MCOLN2: variants seen among roughly 807,000 people sequenced by gnomAD.
The protein encoded by MCOLN2 is mucolipin TRP cation channel 2, also known as mucolipin-2.
MCOLN2 carries 57 observed loss-of-function variants against 67.5 expected under a neutral mutation model. The observed-to-expected ratio is 0.84, with a 90% CI of 0.68 to 1.05. The LOEUF (loss-of-function observed/expected upper bound fraction) is 1.05, where lower values mean the gene tolerates loss of function less well. Among genes scored for constraint, MCOLN2 ranks in the 50% least tolerant of loss-of-function variants. The pLI is 0.00. For synonymous variants in MCOLN2, 246 were observed against 233.3 expected, an observed-to-expected ratio of 1.05 and a Z score of -0.50; for missense variants, 620 against 678.8, an observed-to-expected ratio of 0.91 and a Z score of 0.96.
At chr1:84,971,199 G>A (rs1649663950) in intron 1 of MCOLN2, among the ~76,000 whole-genome samples, 1 of 152,222 alleles carries the variant, frequency 6.6e-6, no homozygotes, top group Admixed American at 6.5e-5. Flanking sequence ...TGAAATACAA[G>A]CTAGTACTAG....
chr1:84,980,304 A>AG (rs938518314), intron 1 of MCOLN2, among the ~76,000 whole-genome samples: 1 of 15,664 alleles, frequency 6.4e-5, no homozygotes, highest in African/African-American at 6.9e-5. Context: ...TCATAGAAAT[A>AG]GAAAAAAACC....
intron 1 of MCOLN2, among the ~76,000 whole-genome samples, chr1:84,966,690 TTTATATTA>T (rs1425055445): frequency 6.6e-6 from 1 of 152,180 alleles, no homozygotes; most frequent in Non-Finnish European, 1.5e-5. Context: ...TATTTGTCAC[TTTATATTA>T]ATAAAATTTT....
At chr1:84,959,575 A>G (rs978328348) in intron 2 of MCOLN2, among the ~76,000 whole-genome samples, 2 of 151,868 alleles carry the variant, frequency 1.3e-5, no homozygotes, top group African/African-American at 4.8e-5. Flanking sequence ...GCACATTCAC[A>G]CTCTCTCACG....
chr1:84,985,369 G>T (rs950931805), intron 1 of MCOLN2, among the ~76,000 whole-genome samples: 1 of 152,192 alleles, frequency 6.6e-6, no homozygotes, highest in Non-Finnish European at 1.5e-5. Flanking sequence ...TGATGTCAGA[G>T]TGCCTTGGGG....
At chr1:84,963,549 C>T (rs996448995) in intron 2 of MCOLN2, among the ~76,000 whole-genome samples, 1 of 152,092 alleles carries the variant, frequency 6.6e-6, no homozygotes, top group Non-Finnish European at 1.5e-5. Context: ...GAATTGTAAT[C>T]CCCAATGTTG....
chr1:84,930,653 C>T (rs755185549), intron 12 of MCOLN2, among the ~76,000 whole-genome samples: 6 of 152,110 alleles, frequency 3.9e-5, no homozygotes, highest in East Asian at 1.9e-4. Flanking sequence ...CAAAAGGTAG[C>T]GGACTGGGTT....
intron 9 of MCOLN2, among the ~76,000 whole-genome samples, chr1:84,938,465 T>G (rs1647563449): frequency 6.6e-6 from 1 of 152,232 alleles, no homozygotes; most frequent in Non-Finnish European, 1.5e-5. Context: ...CAGCTGCTTT[T>G]GAAAGAAAAC....
chr1:84,988,902 T>C (rs1650745390), intron 1 of MCOLN2, among the ~76,000 whole-genome samples: 2 of 152,140 alleles, frequency 1.3e-5, no homozygotes, highest in African/African-American at 4.8e-5. Context: ...CACCATTTCA[T>C]CCACCCTACT....
intron 1 of MCOLN2, among the ~76,000 whole-genome samples, chr1:84,970,917 A>C (rs539043767): frequency 6.6e-6 from 1 of 152,336 alleles, no homozygotes; most frequent in Non-Finnish European, 1.5e-5. Flanking sequence ...CTGAGTGGCC[A>C]TTAAGTGTTC....
At position 84,987,506 on chromosome 1, in the gene MCOLN2, G is replaced by GTATATACCTATATACGTATATAGGTA. The variant is rs1557665657; in HGVS notation, c.77+9289_77+9290insTACCTATATACGTATATAGGTATATA. Among the ~76,000 whole-genome samples, 9 of 30,022 alleles carry GTATATACCTATATACGTATATAGGTA rather than the reference G, an allele frequency of 3.0e-4. 1 individual carries two copies. Among genetic ancestry groups the GTATATACCTATATACGTATATAGGTA allele is most frequent in the East Asian group, 4.9e-3 (2 of 406 alleles). The allele number at this position is 30,022 out of a possible 152,430, so 19.7% of individuals were successfully genotyped here. ...CATATATACATATGTATACATAGAT[G>GTATATACCTATATACGTATATAGGTA]TATACATATGTATATATGTATACAT... On this transcript the variant is annotated intron_variant, in intron 1 of 13. Transcript: ENST00000370608.
intron 2 of MCOLN2, among the ~76,000 whole-genome samples, chr1:84,964,930 G>A (rs1649296000): frequency 4.6e-5 from 7 of 152,170 alleles, no homozygotes; most frequent in Admixed American, 4.6e-4. Context: ...CTGCTGTGCA[G>A]CCTGGTTCCT....
intron 1 of MCOLN2, among the ~76,000 whole-genome samples, chr1:84,987,494 G>GTATATAGCTA (rs371006356): frequency 1.9e-5 from 1 of 53,550 alleles, no homozygotes; most frequent in African/African-American, 7.3e-5. Flanking sequence ...ATATACATAT[G>GTATATAGCTA]TATACATAGA....
chr1:84,953,989 G>C (rs1383949840), intron 4 of MCOLN2, among the ~76,000 whole-genome samples: 2 of 152,148 alleles, frequency 1.3e-5, no homozygotes. Context: ...ATGAATCTTG[G>C]AAAACTCACT....
rs187911163 is a variant in MCOLN2 at position 84,958,882 on chromosome 1, G to C, written c.238-180C>G. ...TCCCACAGAAGAATAACCTCATCAA[G>C]CTACATCAGCAATTCAAAGTAGCAT... On this transcript the variant is annotated intron_variant, in intron 2 of 13. Coordinates refer to ENST00000370608, the MANE Select transcript of MCOLN2 (RefSeq NM_153259.4). Among the ~76,000 whole-genome samples, 16 of 152,180 alleles carry C rather than the reference G, an allele frequency of 1.1e-4. No individual in the cohort carries two copies. In the East Asian group the frequency reaches 3.1e-3, roughly 29 times the overall value.
At chr1:84,946,829 G>A (rs1453056717) in intron 7 of MCOLN2, among the ~76,000 whole-genome samples, 1 of 152,182 alleles carries the variant, frequency 6.6e-6, no homozygotes, top group African/African-American at 2.4e-5. Flanking sequence ...ACTGAGTCAT[G>A]CTACCTCTTC....
chr1:84,929,869 C>T (rs537600729), intron 12 of MCOLN2, 190 bp from the exon 13 acceptor site: 2 of 404,764 alleles, frequency 4.9e-6, no homozygotes, highest in South Asian at 1.0e-4. Flanking sequence ...ACTGTGGGAA[C>T]AGAGAACAAT....
chr1:84,975,104 G>A (rs1459587718), intron 1 of MCOLN2, among the ~76,000 whole-genome samples: 1 of 152,190 alleles, frequency 6.6e-6, no homozygotes, highest in East Asian at 1.9e-4. Flanking sequence ...GGAGGGTCCT[G>A]GGGGAGCTCA....
At position 84,952,297 on chromosome 1, in the gene MCOLN2, G is replaced by A; in HGVS notation, c.693C>T (p.Asp231=). 6.2e-7 allele frequency: 1 copy of A among 1,613,698 alleles called. No individual in the cohort carries two copies. Among genetic ancestry groups the A allele is most frequent in the Non-Finnish European group, 8.5e-7 (1 of 1,179,732 alleles). ...VEISFHLKGI[D]LQTIHSRELP... is the part of the protein sequence containing the mutation. ...ACTCACGGGAATGAATTGTCTGTAG[G>A]TCAATGCCTTTAAGATGAAAGGAGA... Residue 231 remains aspartate (D), a synonymous_variant, in exon 6 of 14, where the codon GAC becomes GAT. Coordinates refer to ENST00000370608, the MANE Select transcript of MCOLN2 (RefSeq NM_153259.4).
In MCOLN2 at chr1:84,925,892, A is replaced by ATT. The variant is rs5775806; in HGVS notation, c.*791_*792dup. On this transcript the variant is annotated 3_prime_UTR_variant, in exon 14 of 14. Coordinates refer to ENST00000370608, the MANE Select transcript of MCOLN2 (RefSeq NM_153259.4). The stretch of plus-strand genomic sequence containing the variant: ...AGGTCTTTTTGTTGATTTAAGGGTG[A>ATT]TTTTTTTTTTTTTTTGAGACAGGAT... 57 of 143,336 alleles carry ATT rather than the reference A, an allele frequency of 4.0e-4. No individual in the cohort carries two copies. Among genetic ancestry groups the ATT allele is most frequent in the African/African-American group, 1.0e-3 (40 of 39,100 alleles). 8.9% of individuals were successfully genotyped at this position (143,336 alleles called of 1,614,324 possible).
Sources: allele counts gnomAD v4.1 joint callset (sites outside exome capture counted in the v4.1 genomes callset), GRCh38; gene constraint gnomAD v4.1.1; transcripts MANE v1.5; gene names NCBI Gene and HGNC (gene_info 2026-07-23, HGNC 2026-07-21).